Variants in GPM6A observed in about 807,000 individuals in gnomAD.
GPM6A encodes neuronal membrane glycoprotein M6-a.
A neutral mutation model predicts 32.1 loss-of-function variants in GPM6A; 7 were observed. That is an observed-to-expected ratio of 0.22 (90% CI 0.12 to 0.41). The LOEUF (loss-of-function observed/expected upper bound fraction) is 0.41, where lower values mean the gene tolerates loss of function less well. Ranked by LOEUF, GPM6A falls within the 10% of genes least tolerant of loss-of-function variation. The pLI, the probability that GPM6A is intolerant of heterozygous loss-of-function variation, is 1.00. For synonymous variants in GPM6A, 130 were observed against 123.4 expected (o/e 1.05, Z -0.35); for missense variants, 235 against 347.2 (o/e 0.68, Z 2.57).
chr4:175,836,931 A>G (rs1192357979), intron 1 of GPM6A, among the ~76,000 whole-genome samples: 1 of 152,184 alleles, frequency 6.6e-6, no homozygotes, highest in East Asian at 1.9e-4. Flanking sequence ...CCGTGTTCTA[A>G]TCCACAGAAC....
At chr4:175,965,887 C>T (rs1168709634) in intron 1 of GPM6A, among the ~76,000 whole-genome samples, 4 of 152,014 alleles carry the variant, frequency 2.6e-5, no homozygotes, top group African/African-American at 9.7e-5. Context: ...GCTGGGATTA[C>T]AGGCGTGAGC....
At position 175,896,463 on chromosome 4, in the gene GPM6A, C is replaced by T. The variant is rs1235158591; in HGVS notation, c.-22-84214G>A. ...TATTCCTGAGATCCAGACATGTCTG[C>T]CCCCTTTGAAGCCTTAAGCCTTGAT... On this transcript the variant is annotated intron_variant, in intron 1 of 7. Coordinates refer to the GPM6A transcript ENST00000280187. Among the ~76,000 whole-genome samples the T allele has an allele frequency of 2.6e-5, 4 of 152,092 alleles. No homozygotes were observed. The East Asian group carries it at 5.8e-4, about 22-fold the overall frequency.
At chr4:175,966,899 C>T (rs1046175289) in intron 1 of GPM6A, among the ~76,000 whole-genome samples, 5 of 151,978 alleles carry the variant, frequency 3.3e-5, no homozygotes, top group Non-Finnish European at 7.4e-5. Flanking sequence ...AGAAAGAAAC[C>T]AATTCTTTAA....
intron 1 of GPM6A, among the ~76,000 whole-genome samples, chr4:175,755,309 C>T (rs528319006): frequency 9.8e-4 from 149 of 152,134 alleles, no homozygotes; most frequent in Middle Eastern, 3.4e-3. Context: ...CTTAGCTATA[C>T]CTAAAATAAC....
chr4:176,000,794 T>C (rs1741452272), intron 1 of GPM6A, among the ~76,000 whole-genome samples: 2 of 152,192 alleles, frequency 1.3e-5, no homozygotes, highest in Non-Finnish European at 2.9e-5. Context: ...ATTCCGGACC[T>C]GTCTTTCCAA....
intron 1 of GPM6A, among the ~76,000 whole-genome samples, chr4:175,866,271 T>C (rs1736731440): frequency 6.6e-6 from 1 of 152,130 alleles, no homozygotes; most frequent in Non-Finnish European, 1.5e-5. Flanking sequence ...TGAGCCCACA[T>C]TAACACATCA....
At chr4:175,789,446 A>G (rs926001122) in intron 1 of GPM6A, among the ~76,000 whole-genome samples, 5 of 152,148 alleles carry the variant, frequency 3.3e-5, no homozygotes, top group African/African-American at 1.2e-4. Context: ...CATTATGTTC[A>G]ATTTATCTTG....
intron 1 of GPM6A, among the ~76,000 whole-genome samples, chr4:175,755,680 C>T (rs1398848775): frequency 6.6e-6 from 1 of 152,180 alleles, no homozygotes; most frequent in East Asian, 1.9e-4. Flanking sequence ...ACTTACTTCT[C>T]TGCAAGCCCA....
chr4:175,863,037 T>C (rs577792176), intron 1 of GPM6A, among the ~76,000 whole-genome samples: 2 of 152,154 alleles, frequency 1.3e-5, no homozygotes, highest in Admixed American at 6.6e-5. Context: ...TCCATTTCAC[T>C]GATTCTGGTG....
intron 1 of GPM6A, among the ~76,000 whole-genome samples, chr4:175,978,449 G>C (rs943067867): frequency 1.3e-5 from 2 of 152,086 alleles, no homozygotes; most frequent in African/African-American, 4.8e-5. Flanking sequence ...AACCATATAA[G>C]CTATCATTTA....
At chr4:175,789,728 T>A (rs915870617) in intron 1 of GPM6A, among the ~76,000 whole-genome samples, 1 of 152,168 alleles carries the variant, frequency 6.6e-6, no homozygotes, top group Non-Finnish European at 1.5e-5. Context: ...AGTGATACCA[T>A]CAAACCAACT....
intron 3 of GPM6A, among the ~76,000 whole-genome samples, chr4:175,667,537 A>T (rs1270975166): frequency 1.3e-5 from 2 of 152,152 alleles, no homozygotes; most frequent in Admixed American, 1.3e-4. Context: ...AAACTAAGGA[A>T]ATCAGAAAGA....
chr4:175,751,264 C>T (rs1200184699), intron 1 of GPM6A, among the ~76,000 whole-genome samples: 1 of 151,900 alleles, frequency 6.6e-6, no homozygotes, highest in East Asian at 1.9e-4. Context: ...AAAATATAGA[C>T]AGAAAACTGA....
chr4:175,868,054 C>T (rs1736794318), intron 1 of GPM6A, among the ~76,000 whole-genome samples: 1 of 152,188 alleles, frequency 6.6e-6, no homozygotes, highest in African/African-American at 2.4e-5. Context: ...TGTGCCTTGT[C>T]CCCGTGACTC....
At chr4:175,984,971 T>C (rs1740930464) in intron 1 of GPM6A, among the ~76,000 whole-genome samples, 1 of 152,180 alleles carries the variant, frequency 6.6e-6, no homozygotes, top group African/African-American at 2.4e-5. Context: ...TGTATTTATT[T>C]AGTGCTAAAC....
At chr4:175,771,484 T>A (rs1435924968) in intron 1 of GPM6A, among the ~76,000 whole-genome samples, 1 of 144,966 alleles carries the variant, frequency 6.9e-6, no homozygotes, top group African/African-American at 2.6e-5. Context: ...GGCGGGAGAA[T>A]CACTTGAACC....
At chr4:175,695,606 C>T (rs1744534408) in intron 2 of GPM6A, among the ~76,000 whole-genome samples, 1 of 152,176 alleles carries the variant, frequency 6.6e-6, no homozygotes, top group Non-Finnish European at 1.5e-5. Context: ...GCCTGTAACT[C>T]AATTGTATCT....
At chr4:175,690,875 T>C (rs1228582597) in intron 2 of GPM6A, among the ~76,000 whole-genome samples, 1 of 152,238 alleles carries the variant, frequency 6.6e-6, no homozygotes, top group Non-Finnish European at 1.5e-5. Context: ...ATAGACTTCA[T>C]TGAAGTTGAA....
chr4:175,944,725 T>C, intron 1 of GPM6A, among the ~76,000 whole-genome samples: 1 of 152,228 alleles, frequency 6.6e-6, no homozygotes, highest in East Asian at 1.9e-4. Context: ...TTTTGCCTTT[T>C]GGCCACAAAT....
Sources: gnomAD v4.1 joint callset for allele counts (sites outside exome capture counted in the v4.1 genomes callset) on GRCh38, gnomAD v4.1.1 for gene constraint, MANE v1.5 for transcripts, NCBI Gene and HGNC (gene_info 2026-07-23, HGNC 2026-07-21) for gene names.